PUM2: variants seen among roughly 807,000 people sequenced by gnomAD.
PUM2 encodes the protein pumilio homolog 2.
In PUM2, 57 loss-of-function variants were observed where a neutral mutation model predicts 124.5. The ratio of observed to expected loss-of-function variants is 0.46; its 90% confidence interval spans 0.37 to 0.57. PUM2 has a LOEUF of 0.57. Among genes scored for constraint, PUM2 ranks in the 20% least tolerant of loss-of-function variants. PUM2 has a pLI of 0.00. For synonymous variants in PUM2, 460 were observed against 446.1 expected, an observed-to-expected ratio of 1.03 and a Z score of -0.39; for missense variants, 1,065 against 1,290.6, an observed-to-expected ratio of 0.83 and a Z score of 2.68.
In PUM2 at chr2:20,283,353, T is replaced by C. The variant is rs1672002548; in HGVS notation, c.1425A>G (p.Ala475=). The part of the protein sequence containing the change: ...APTPVLISSA[A]AQAAAAAAAG... ...GTCAGTTACACTTACCAGCTTGTGCTGCTGCTGAACTAATTAAAACAGGTG... is the reference window on the plus strand; with the variant it reads ...GTCAGTTACACTTACCAGCTTGTGCCGCTGCTGAACTAATTAAAACAGGTG... Residue 475 remains alanine, a synonymous_variant, in exon 11 of 21, where the codon GCA becomes GCG. Coordinates refer to ENST00000361078, the MANE Select transcript of PUM2 (RefSeq NM_015317.5). The C allele has an allele frequency of 6.2e-7, 1 of 1,614,064 alleles. No individual in the cohort carries two copies. The highest frequency in any genetic ancestry group is 8.5e-7 in the Non-Finnish European group (1 of 1,180,008).
At chr2:20,343,723 C>G (rs1490858656) in intron 1 of PUM2, among the ~76,000 whole-genome samples, 1 of 152,108 alleles carries the variant, frequency 6.6e-6, no homozygotes, top group African/African-American at 2.4e-5. Context: ...GCAACAAATT[C>G]GAGACTAGCC....
chr2:20,286,625 T>C (rs569821038), intron 10 of PUM2, among the ~76,000 whole-genome samples: 21 of 152,280 alleles, frequency 1.4e-4, no homozygotes, highest in African/African-American at 4.8e-4. Flanking sequence ...TCCGGGATAA[T>C]TATTTTGTTT....
rs369057622 is a variant in PUM2 at position 20,290,645 on chromosome 2, T to G, written c.1291+7A>C. ...ATTCAAATTTCCACAAATGACCAATTGTATACCTGGCATGCCAGTAGCAAG... is the reference window on the plus strand; with the variant it reads ...ATTCAAATTTCCACAAATGACCAATGGTATACCTGGCATGCCAGTAGCAAG... On this transcript the variant is annotated splice_region_variant and intron_variant, in intron 10 of 20. Coordinates refer to ENST00000361078, the MANE Select transcript of PUM2 (RefSeq NM_015317.5). 1 of 1,604,648 alleles carries G rather than the reference T, an allele frequency of 6.2e-7. No homozygotes were observed. The highest frequency in any genetic ancestry group is 1.7e-5 in the Admixed American group (1 of 57,200).
chr2:20,303,937 T>C (rs755504746), intron 7 of PUM2, among the ~76,000 whole-genome samples: 1 of 152,246 alleles, frequency 6.6e-6, no homozygotes, highest in Non-Finnish European at 1.5e-5. Flanking sequence ...TGCACAACTT[T>C]AAAGTTCCCT....
chr2:20,290,402 TA>T (rs34404531), intron 10 of PUM2, among the ~76,000 whole-genome samples: 3 of 152,196 alleles, frequency 2.0e-5, no homozygotes, highest in African/African-American at 4.8e-5. Context: ...ATAGATGCTA[TA>T]AAAAAATGGC....
At chr2:20,328,661 C>CT (rs1684223741) in intron 1 of PUM2, among the ~76,000 whole-genome samples, 1 of 151,816 alleles carries the variant, frequency 6.6e-6, no homozygotes, top group South Asian at 2.1e-4. Context: ...AATGCTAAAA[C>CT]TGAAAAAAAT....
In PUM2 at chr2:20,250,310, ACT is replaced by A. The variant is rs1427118422; in HGVS notation, c.*1273_*1274del. ...AAAGATAAAAAATTTTTAAAAAATC[ACT>A]CTCGATTTGGAGAAATAAATTTACA... On this transcript the variant is annotated 3_prime_UTR_variant, in exon 21 of 21. Coordinates refer to ENST00000361078, the MANE Select transcript of PUM2 (RefSeq NM_015317.5). 2 of 152,432 alleles carry A rather than the reference ACT, an allele frequency of 1.3e-5. No homozygotes were observed. Among genetic ancestry groups the A allele is most frequent in the African/African-American group, 4.8e-5 (2 of 41,438 alleles). The allele number at this position is 152,432 out of a possible 1,614,324, so 9.4% of individuals were successfully genotyped here.
chr2:20,290,496 A>C (rs542701644), intron 10 of PUM2, among the ~76,000 whole-genome samples, 156 bp downstream of exon 10: 1 of 151,932 alleles, frequency 6.6e-6, no homozygotes, highest in South Asian at 2.1e-4. Flanking sequence ...CTCACAATCA[A>C]TACTGATTTC....
Position 20,250,353 on chromosome 2 carries a change from T to G in PUM2, c.*1232A>C, listed in dbSNP as rs745789106. On this transcript the variant is annotated 3_prime_UTR_variant, in exon 21 of 21. Coordinates refer to ENST00000361078, the MANE Select transcript of PUM2 (RefSeq NM_015317.5). ...TAAATTTACATTATACAACACTATA[T>G]TGCCAGGTCAAAGAGGGCAGGGACG... 6.6e-5 allele frequency: 10 copies of G among 152,546 alleles called. No homozygotes were observed. Among genetic ancestry groups the G allele is most frequent in the Non-Finnish European group, 1.3e-4 (9 of 68,014 alleles). 9.4% of individuals were successfully genotyped at this position (152,546 alleles called of 1,614,324 possible). A position where few individuals can be genotyped will look rare whatever the true frequency, so the allele number is the denominator to read the frequency against.
chr2:20,296,682 T>C (rs1042437913), intron 8 of PUM2, among the ~76,000 whole-genome samples: 5 of 145,902 alleles, frequency 3.4e-5, no homozygotes, highest in African/African-American at 1.3e-4. Context: ...AACAAAATTC[T>C]AAGGCAGATA....
At chr2:20,300,306 C>T (rs1252272938) in intron 7 of PUM2, among the ~76,000 whole-genome samples, 6 of 152,166 alleles carry the variant, frequency 3.9e-5, no homozygotes, top group East Asian at 1.9e-4. Context: ...TGCGCCGCCA[C>T]GCCTGGCTAA....
chr2:20,305,058 G>C (rs2148477286), intron 7 of PUM2, among the ~76,000 whole-genome samples: 1 of 151,976 alleles, frequency 6.6e-6, no homozygotes, highest in East Asian at 1.9e-4. Context: ...TAAAATGTGG[G>C]GTCAATTTTG....
At chr2:20,350,851 C>G (rs955867697), upstream of PUM2, 8 of 961,222 alleles carry the variant, frequency 8.3e-6, 1 homozygote, top group East Asian at 1.2e-4. Flanking sequence ...CCCTCCCCCC[C>G]GCCCACCGGG....
Position 20,308,089 on chromosome 2 carries a change from T to A in PUM2, c.790-18A>T. On this transcript the variant is annotated intron_variant, in intron 6 of 20. Coordinates refer to ENST00000361078, the MANE Select transcript of PUM2 (RefSeq NM_015317.5). ...TGAAAGAGCTATTAGGGAAAATATTTAACACAAAGATTAGTGTCAAAATCT... is the reference window on the plus strand; with the variant it reads ...TGAAAGAGCTATTAGGGAAAATATTAAACACAAAGATTAGTGTCAAAATCT... The A allele has an allele frequency of 6.3e-7, 1 of 1,594,744 alleles. No homozygotes were observed.
rs560690349 is a variant in PUM2 at position 20,256,224 on chromosome 2, T to C, written c.2485-54A>G. ...ATTACCTCAAACGAGAAAATACTAGTATATTTTATCTCAGTATTAAAAATT... is the reference window on the plus strand; with the variant it reads ...ATTACCTCAAACGAGAAAATACTAGCATATTTTATCTCAGTATTAAAAATT... On this transcript the variant is annotated intron_variant, in intron 16 of 20. Transcript: ENST00000361078. The C allele has an allele frequency of 5.0e-4, 743 of 1,479,890 alleles. 2 individuals are homozygous for C. Among genetic ancestry groups the C allele is most frequent in the Non-Finnish European group, 4.3e-4 (482 of 1,111,064 alleles). The allele number at this position is 1,479,890 out of a possible 1,614,324, so 91.7% of individuals were successfully genotyped here.
chr2:20,327,485 GA>G (rs1306243986), intron 1 of PUM2, 107 bp from the exon 2 acceptor site: 1 of 681,792 alleles, frequency 1.5e-6, no homozygotes, highest in Non-Finnish European at 2.4e-6. Context: ...CATGATCTGA[GA>G]AAGGGAAGCA....
intron 2 of PUM2, among the ~76,000 whole-genome samples, chr2:20,324,449 T>C (rs1683178377): frequency 6.6e-6 from 1 of 152,216 alleles, no homozygotes; most frequent in Admixed American, 6.5e-5. Context: ...TAAAGTTAGA[T>C]TCTGGATTTT....
chr2:20,311,935 G>C (rs531812875), intron 4 of PUM2, among the ~76,000 whole-genome samples: 1 of 152,074 alleles, frequency 6.6e-6, no homozygotes, highest in Non-Finnish European at 1.5e-5. Flanking sequence ...ATGCGTAGAC[G>C]ATTTTGTTTA....
At position 20,312,414 on chromosome 2, in the gene PUM2, A is replaced by G. The variant is rs1282836829; in HGVS notation, c.170T>C (p.Met57Thr). Residue 57 changes from methionine to threonine, a missense_variant, in exon 4 of 21, where the codon ATG becomes ACG. By Grantham distance (81) the Met-to-Thr change is moderately conservative. This residue lies in a region of PUM2 where 90 missense variants were observed against 103.6 expected (regional missense o/e 0.87). Transcript: ENST00000361078. ...TCTCTGTACCATAATAGGCTGGGAC[A>G]TTGAATGGTCTGTTTGGAAGAAAAA... is the stretch of plus-strand genomic sequence containing the variant. ...ETAWGASHHS[M>T]SQPIMVQRRS... is the part of the protein sequence containing the mutation. The G allele has an allele frequency of 6.2e-7, 1 of 1,612,976 alleles. No individual in the cohort carries two copies. The highest frequency in any genetic ancestry group is 8.5e-7 in the Non-Finnish European group (1 of 1,179,468).
Sources: gnomAD v4.1 joint callset for allele counts (sites outside exome capture counted in the v4.1 genomes callset) on GRCh38, gnomAD v4.1.1 for gene constraint, gnomAD v4.1.1 regional missense constraint, MANE v1.5 for transcripts, NCBI Gene and HGNC (gene_info 2026-07-23, HGNC 2026-07-21) for gene names.